Variants in MGMT observed in about 807,000 individuals in gnomAD.
The protein encoded by MGMT is O-6-methylguanine-DNA methyltransferase.
A neutral mutation model predicts 15.9 loss-of-function variants in MGMT; 14 were observed. The observed-to-expected ratio is 0.88, with a 90% CI of 0.58 to 1.37. The LOEUF (loss-of-function observed/expected upper bound fraction) is 1.37. Among genes scored for constraint, MGMT ranks in the 40% most tolerant of loss-of-function variants. MGMT has a pLI of 0.00. For synonymous variants in MGMT, 130 were observed against 118.2 expected (o/e 1.10, Z -0.65); for missense variants, 282 against 268.1 (o/e 1.05, Z -0.36).
intron 2 of MGMT, among the ~76,000 whole-genome samples, chr10:129,557,214 G>A (rs562958905): frequency 6.6e-5 from 10 of 152,318 alleles, no homozygotes; most frequent in African/African-American, 2.2e-4. Context: ...AACTATGTCA[G>A]ATGTGCCATG....
chr10:129,645,835 G>A (rs1406584798), intron 2 of MGMT, among the ~76,000 whole-genome samples: 1 of 152,172 alleles, frequency 6.6e-6, no homozygotes, highest in Admixed American at 6.5e-5. Context: ...AGTGGTGAAG[G>A]TACTCTAGCA....
intron 2 of MGMT, among the ~76,000 whole-genome samples, chr10:129,666,480 CAT>C (rs767154308): frequency 5.9e-5 from 9 of 152,064 alleles, no homozygotes; most frequent in Non-Finnish European, 8.8e-5. Context: ...TCATAGAACT[CAT>C]ATTTTTTGCT....
chr10:129,666,096 G>A (rs1320331155), intron 2 of MGMT, among the ~76,000 whole-genome samples: 2 of 152,092 alleles, frequency 1.3e-5, no homozygotes, highest in African/African-American at 2.4e-5. Flanking sequence ...GGGAGGGGGA[G>A]AGAAAGAAAA....
At chr10:129,470,074 C>T (rs1028533969) in intron 1 of MGMT, among the ~76,000 whole-genome samples, 1 of 152,194 alleles carries the variant, frequency 6.6e-6, no homozygotes, top group Non-Finnish European at 1.5e-5. Context: ...CATAAACCAT[C>T]ACCTGACTGT....
At position 129,754,721 on chromosome 10, in the gene MGMT, G is replaced by A. The variant is rs1278916743; in HGVS notation, c.275-4481G>A. On this transcript the variant is annotated intron_variant, in intron 3 of 4. Transcript: ENST00000651593. ...CACCCCGTGGTGGAAGGCATTCCAT[G>A]GCGAGGAAGCATGCCAGACAGGAGA... 2.0e-5 allele frequency among the ~76,000 whole-genome samples: 3 copies of A among 152,258 alleles called. No individual in the cohort carries two copies. The East Asian group carries it at 5.8e-4, about 29-fold the overall frequency.
intron 1 of MGMT, among the ~76,000 whole-genome samples, chr10:129,478,878 C>T (rs1711653): frequency 1 from 151,849 of 152,290 alleles, 75,706 homozygotes; most frequent in East Asian, 1. Flanking sequence ...TATTTATTTA[C>T]TTATTAGCAC....
intron 2 of MGMT, among the ~76,000 whole-genome samples, chr10:129,649,227 A>G (rs1401927788): frequency 1.3e-5 from 2 of 152,202 alleles, no homozygotes; most frequent in Non-Finnish European, 2.9e-5. Context: ...TTTTGCAGCC[A>G]GGTCATCTCA....
Position 129,556,819 on chromosome 10 carries a change from C to G in MGMT, c.125+20442C>G, listed in dbSNP as rs1162970849. ...GTGGTGAGCAATGTTAGTCCCAAAT[C>G]ACTTTTTCACAACTTGTTTCTGTTC... On this transcript the variant is annotated intron_variant, in intron 2 of 4. Coordinates refer to ENST00000651593, the MANE Select transcript of MGMT (RefSeq NM_002412.5). This position sits in a 1 kb window ranked among gnomAD's most constrained non-coding sequence, Gnocchi z 4.3. Among the ~76,000 whole-genome samples, 2 of 152,176 alleles carry G rather than the reference C, an allele frequency of 1.3e-5. No homozygotes were observed. The highest frequency in any genetic ancestry group is 4.8e-5 in the African/African-American group (2 of 41,436).
At chr10:129,645,766 G>A (rs1332397364) in intron 2 of MGMT, among the ~76,000 whole-genome samples, 7 of 152,194 alleles carry the variant, frequency 4.6e-5, no homozygotes, top group African/African-American at 9.6e-5. Context: ...GGCCAGCGGC[G>A]GTGTTACTTT....
chr10:129,600,877 A>G (rs1294853300), intron 2 of MGMT, among the ~76,000 whole-genome samples: 1 of 152,158 alleles, frequency 6.6e-6, no homozygotes, highest in African/African-American at 2.4e-5. Context: ...TCATAGTGGA[A>G]CCTCAGGTTT....
chr10:129,601,355 T>G (rs778630317), intron 2 of MGMT, among the ~76,000 whole-genome samples: 5 of 152,198 alleles, frequency 3.3e-5, no homozygotes, highest in Non-Finnish European at 7.3e-5. Flanking sequence ...TGGGTGGGGT[T>G]TCTTTATGTC....
At chr10:129,713,526 C>T (rs557554256) in intron 3 of MGMT, among the ~76,000 whole-genome samples, 50 of 152,080 alleles carry the variant, frequency 3.3e-4, no homozygotes, top group African/African-American at 9.9e-4. Context: ...TAGGATTGTC[C>T]GATGTCTGGA....
At position 129,625,654 on chromosome 10, in the gene MGMT, A is replaced by G. The variant is rs117626397; in HGVS notation, c.126-82241A>G. On this transcript the variant is annotated intron_variant, in intron 2 of 4. Coordinates refer to ENST00000651593, the MANE Select transcript of MGMT (RefSeq NM_002412.5). ...TGACAAATTTCAACATCCATTCACGATGAAAATGCACTGCAAAGTAAGAAT... is the reference window on the plus strand; with the variant it reads ...TGACAAATTTCAACATCCATTCACGGTGAAAATGCACTGCAAAGTAAGAAT... 9.9e-3 allele frequency among the ~76,000 whole-genome samples: 1,509 copies of G among 152,356 alleles called. 12 individuals carry two copies. The highest frequency in any genetic ancestry group is 0.017 in the Non-Finnish European group (1,138 of 68,036).
intron 1 of MGMT, among the ~76,000 whole-genome samples, chr10:129,512,159 C>T (rs546858552): frequency 8.3e-4 from 126 of 152,262 alleles, no homozygotes; most frequent in Non-Finnish European, 1.2e-3. Flanking sequence ...GTAGAGGCGG[C>T]GAGGTGTTGG....
intron 2 of MGMT, among the ~76,000 whole-genome samples, chr10:129,578,270 C>T (rs968296146): frequency 9.9e-5 from 15 of 152,140 alleles, no homozygotes; most frequent in Non-Finnish European, 1.9e-4. Flanking sequence ...ATAGCAAAAA[C>T]TCGGAACCAA....
chr10:129,536,643 G>A (rs1845988678), intron 2 of MGMT: 1 of 342,558 alleles, frequency 2.9e-6, no homozygotes. Context: ...TAAGATGTTT[G>A]ATTAAGGTGT....
intron 1 of MGMT, among the ~76,000 whole-genome samples, chr10:129,525,519 C>T (rs1327703074): frequency 6.6e-6 from 1 of 152,158 alleles, no homozygotes; most frequent in African/African-American, 2.4e-5. Context: ...CTTCTGGAAC[C>T]TTGCCACCAG....
chr10:129,604,737 A>ACCCGC (rs1466589243), intron 2 of MGMT, among the ~76,000 whole-genome samples: 3 of 38,766 alleles, frequency 7.7e-5, no homozygotes, highest in Non-Finnish European at 1.1e-4. Flanking sequence ...TCGCCGCCCC[A>ACCCGC]CCCCCTCCCC....
At chr10:129,580,776 C>G (rs954416512) in intron 2 of MGMT, among the ~76,000 whole-genome samples, 3 of 152,222 alleles carry the variant, frequency 2.0e-5, no homozygotes, top group Non-Finnish European at 4.4e-5. Flanking sequence ...ACAGACACCC[C>G]ACAACTGGGC....
Sources: allele counts gnomAD v4.1 joint callset (sites outside exome capture counted in the v4.1 genomes callset), GRCh38; gene constraint gnomAD v4.1.1; non-coding constraint Gnocchi (gnomAD v3.1); transcripts MANE v1.5; gene names NCBI Gene and HGNC (gene_info 2026-07-23, HGNC 2026-07-21).